METTL15: variants seen among roughly 807,000 people sequenced by gnomAD.
METTL15 encodes 12S rRNA N(4)-cytidine methyltransferase METTL15.
METTL15 carries 34 observed loss-of-function variants against 38.3 expected under a neutral mutation model. That is an observed-to-expected ratio of 0.89 (90% CI 0.68 to 1.18). The LOEUF is 1.18. Ranked by LOEUF, METTL15 falls within the 50% of genes most tolerant of loss-of-function variation. The pLI, the probability that METTL15 is intolerant of heterozygous loss-of-function variation, is 0.00. For missense variants in METTL15, 438 were observed against 498.4 expected, an observed-to-expected ratio of 0.88 and a Z score of 1.15; for synonymous variants, 162 against 170.9, an observed-to-expected ratio of 0.95 and a Z score of 0.41.
At chr11:28,403,218 C>G (rs530333084) in intron 5 of METTL15, among the ~76,000 whole-genome samples, 4 of 151,902 alleles carry the variant, frequency 2.6e-5, no homozygotes, top group Non-Finnish European at 5.9e-5. Context: ...TAATTCAATT[C>G]AAGTCTGACA....
At chr11:28,482,451 A>G (rs886377984) in intron 6 of METTL15, among the ~76,000 whole-genome samples, 7 of 152,198 alleles carry the variant, frequency 4.6e-5, no homozygotes, top group African/African-American at 1.7e-4. Flanking sequence ...AAAATCACAG[A>G]TGGTGTGTGA....
intron 4 of METTL15, among the ~76,000 whole-genome samples, chr11:28,243,661 G>A (rs1338184163): frequency 6.6e-6 from 1 of 152,066 alleles, no homozygotes; most frequent in Non-Finnish European, 1.5e-5. Context: ...CATTATGATA[G>A]CACTGTATAA....
intron 3 of METTL15, chr11:28,145,695 T>C (rs1849857926): frequency 6.6e-6 from 1 of 152,106 alleles, no homozygotes; most frequent in Admixed American, 6.6e-5. Context: ...AAATTATTAA[T>C]ATAATTGCTT....
At chr11:28,471,609 T>A (rs916944253) in intron 6 of METTL15, among the ~76,000 whole-genome samples, 3 of 152,146 alleles carry the variant, frequency 2.0e-5, no homozygotes, top group Non-Finnish European at 4.4e-5. Context: ...CATGCAAGGT[T>A]GCTTTTCTGC....
At chr11:28,450,083 G>A (rs1851107505) in intron 6 of METTL15, among the ~76,000 whole-genome samples, 1 of 152,116 alleles carries the variant, frequency 6.6e-6, no homozygotes, top group Admixed American at 6.5e-5. Context: ...TTGAATTCAA[G>A]GTTCAATATT....
intron 6 of METTL15, among the ~76,000 whole-genome samples, chr11:28,297,824 T>C (rs1233875147): frequency 6.6e-6 from 1 of 152,068 alleles, no homozygotes; most frequent in Non-Finnish European, 1.5e-5. Context: ...TAAGAAGTTT[T>C]TAAAAAAGGA....
chr11:28,335,449 G>C (rs910482902), downstream of METTL15, among the ~76,000 whole-genome samples: 29 of 152,128 alleles, frequency 1.9e-4, no homozygotes, highest in African/African-American at 6.8e-4. Flanking sequence ...ATGTTGCTGT[G>C]AATCAAATAG....
chr11:28,420,744 A>G (rs527411490), intron 5 of METTL15, among the ~76,000 whole-genome samples: 356 of 152,114 alleles, frequency 2.3e-3, no homozygotes, highest in South Asian at 7.2e-3. Flanking sequence ...GTTTATAGCT[A>G]TAAGTGCCTA....
intron 5 of METTL15, among the ~76,000 whole-genome samples, chr11:28,414,335 C>A (rs557103879): frequency 2.0e-4 from 30 of 152,082 alleles, no homozygotes; most frequent in Non-Finnish European, 3.4e-4. Context: ...AATACCCTAA[C>A]TTCTCTTTCC....
At chr11:28,355,255 G>A (rs1456370923) in intron 4 of METTL15, among the ~76,000 whole-genome samples, 2 of 152,148 alleles carry the variant, frequency 1.3e-5, no homozygotes, top group African/African-American at 4.8e-5. Flanking sequence ...TCTGAAGGTG[G>A]CTCTTTTGAA....
chr11:28,139,580 T>C (rs1032259389), intron 3 of METTL15, among the ~76,000 whole-genome samples: 6 of 152,058 alleles, frequency 3.9e-5, no homozygotes, highest in African/African-American at 1.4e-4. Context: ...CCCTAGACCT[T>C]GTCTGTGCCA....
At chr11:28,224,687 A>T (rs2133871259) in intron 4 of METTL15, among the ~76,000 whole-genome samples, 1 of 151,970 alleles carries the variant, frequency 6.6e-6, no homozygotes, top group South Asian at 2.1e-4. Flanking sequence ...ATAACAATTT[A>T]TTAGAACCCT....
At chr11:28,197,897 C>A (rs1296994903) in intron 3 of METTL15, among the ~76,000 whole-genome samples, 4 of 152,018 alleles carry the variant, frequency 2.6e-5, no homozygotes, top group African/African-American at 9.7e-5. Context: ...CATGTTGAAA[C>A]TGCCATCACT....
At chr11:28,453,103 T>G (rs1250881292) in intron 6 of METTL15, among the ~76,000 whole-genome samples, 3 of 152,160 alleles carry the variant, frequency 2.0e-5, no homozygotes, top group Non-Finnish European at 4.4e-5. Flanking sequence ...AATGAGATGC[T>G]TTTTCTTTTT....
chr11:28,313,968 C>A (rs1857393837), intron 6 of METTL15, among the ~76,000 whole-genome samples: 1 of 151,970 alleles, frequency 6.6e-6, no homozygotes. Flanking sequence ...AAACCAAAAG[C>A]CTTTACTGGG....
Position 28,474,006 on chromosome 11 carries a change from A to G in METTL15, c.*424+49642A>G, listed in dbSNP as rs530271886. Among the ~76,000 whole-genome samples, 26 of 152,098 alleles carry G rather than the reference A, an allele frequency of 1.7e-4. No homozygotes were observed. In the South Asian group the frequency reaches 2.7e-3, roughly 16 times the overall value. On this transcript the variant is annotated intron_variant and NMD_transcript_variant, in intron 6 of 7. Coordinates refer to the METTL15 transcript ENST00000532947. ...CTATTCTACCTCTGTGAAAGACTCT[A>G]GAGTATGTCAGTTGTTTCCCTATCT...
intron 3 of METTL15, among the ~76,000 whole-genome samples, chr11:28,129,407 C>CTTTTTTTTTTTTTT (rs71449170): frequency 1.4e-5 from 2 of 143,772 alleles, no homozygotes; most frequent in Non-Finnish European, 1.5e-5. Context: ...TATAAAATTA[C>CTTTTTTTTTTTTTT]TTTTTTTTTT....
intron 5 of METTL15, among the ~76,000 whole-genome samples, chr11:28,392,321 C>T (rs1850518004): frequency 6.6e-6 from 1 of 152,008 alleles, no homozygotes; most frequent in South Asian, 2.1e-4. Flanking sequence ...GCCTCAAACT[C>T]CTGATTTCAA....
intron 4 of METTL15, among the ~76,000 whole-genome samples, chr11:28,276,175 T>C (rs183229469): frequency 1.3e-5 from 2 of 152,220 alleles, no homozygotes; most frequent in East Asian, 1.9e-4. Flanking sequence ...GTTGATCATA[T>C]AATTTTATAT....
Sources: gnomAD v4.1 joint callset for allele counts (sites outside exome capture counted in the v4.1 genomes callset) on GRCh38, gnomAD v4.1.1 for gene constraint, MANE v1.5 for transcripts, NCBI Gene and HGNC (gene_info 2026-07-23, HGNC 2026-07-21) for gene names.